The following MTUS2 variants were observed in gnomAD, a reference collection of about 807,000 sequenced individuals.
The protein encoded by MTUS2 is microtubule-associated tumor suppressor candidate 2.
In MTUS2, 40 loss-of-function variants were observed where a neutral mutation model predicts 114.1. That is an observed-to-expected ratio of 0.35 (90% CI 0.27 to 0.46). The LOEUF (loss-of-function observed/expected upper bound fraction) is 0.46, where lower values mean the gene tolerates loss of function less well. MTUS2 is among the 20% of genes least tolerant of loss of function. The pLI, the probability that MTUS2 is intolerant of heterozygous loss-of-function variation, is 1.00. For synonymous variants in MTUS2, 688 were observed against 672.0 expected, an observed-to-expected ratio of 1.02 and a Z score of -0.37; for missense variants, 1,679 against 1,705.4, an observed-to-expected ratio of 0.98 and a Z score of 0.27.
intron 8 of MTUS2, among the ~76,000 whole-genome samples, chr13:29,363,524 G>T (rs1284212775): frequency 2.0e-5 from 3 of 151,884 alleles, no homozygotes; most frequent in Non-Finnish European, 4.4e-5. Context: ...TATATTTTAA[G>T]GCTTTTATTA....
intron 5 of MTUS2, among the ~76,000 whole-genome samples, chr13:29,200,825 C>CA (rs1393504472): frequency 2.0e-5 from 3 of 151,930 alleles, no homozygotes; most frequent in Non-Finnish European, 4.4e-5. Context: ...GGACTGGAGT[C>CA]AGTTTCTTAA....
chr13:29,074,579 T>G (rs368430969), intron 4 of MTUS2, among the ~76,000 whole-genome samples: 2 of 152,302 alleles, frequency 1.3e-5, no homozygotes, highest in African/African-American at 4.8e-5. Context: ...CTCTTCCTTC[T>G]CCTACTTCTT....
At chr13:29,214,180 GT>G (rs33911822) in intron 5 of MTUS2, among the ~76,000 whole-genome samples, 16,427 of 144,812 alleles carry the variant, frequency 0.11, 1,455 homozygotes, top group African/African-American at 0.26. Flanking sequence ...ATACTACATT[GT>G]TTTTTTTTTT....
chr13:29,253,909 G>A (rs943389983), intron 5 of MTUS2, among the ~76,000 whole-genome samples: 1 of 152,152 alleles, frequency 6.6e-6, no homozygotes, highest in Admixed American at 6.5e-5. Context: ...ACTATCACGA[G>A]AACAGCACGG....
intron 5 of MTUS2, among the ~76,000 whole-genome samples, chr13:29,124,140 G>A (rs1891422002): frequency 6.6e-6 from 1 of 152,216 alleles, no homozygotes; most frequent in Non-Finnish European, 1.5e-5. Context: ...GAATGGAACA[G>A]ATATTCAGGA....
chr13:29,013,984 G>T (rs185333262), intron 2 of MTUS2, among the ~76,000 whole-genome samples: 1 of 152,320 alleles, frequency 6.6e-6, no homozygotes, highest in East Asian at 1.9e-4. Flanking sequence ...TCCCTCAGGA[G>T]ATAGCAATTT....
At chr13:29,427,299 G>GT (rs111598163) in intron 8 of MTUS2, among the ~76,000 whole-genome samples, 5,892 of 152,114 alleles carry the variant, frequency 0.039, 374 homozygotes, top group African/African-American at 0.13. Context: ...TGTTTGCTTT[G>GT]TTTTTTTATA....
At chr13:29,436,120 G>A (rs908552530) in intron 8 of MTUS2, among the ~76,000 whole-genome samples, 30 of 152,156 alleles carry the variant, frequency 2.0e-4, no homozygotes, top group Non-Finnish European at 1.3e-4. Flanking sequence ...AGTCAGGAGC[G>A]GACCCTGCCT....
intron 8 of MTUS2, among the ~76,000 whole-genome samples, chr13:29,389,331 A>ATATGTGTG (rs1566172365): frequency 7.2e-5 from 5 of 69,248 alleles, no homozygotes; most frequent in Non-Finnish European, 1.4e-4. Flanking sequence ...ATATGTGTGT[A>ATATGTGTG]TATATGTATG....
intron 5 of MTUS2, among the ~76,000 whole-genome samples, chr13:29,118,499 A>G (rs1891178745): frequency 6.6e-6 from 1 of 152,166 alleles, no homozygotes. Flanking sequence ...TTGAAGTCCT[A>G]CAACATATTA....
chr13:28,852,144 C>T (rs1876318361), intron 2 of MTUS2, among the ~76,000 whole-genome samples: 1 of 152,160 alleles, frequency 6.6e-6, no homozygotes, highest in African/African-American at 2.4e-5. Context: ...AGGGCTGGCT[C>T]TTCTCCACCT....
chr13:29,074,841 C>T (rs1412540385), intron 4 of MTUS2, among the ~76,000 whole-genome samples: 1 of 152,150 alleles, frequency 6.6e-6, no homozygotes, highest in East Asian at 1.9e-4. Flanking sequence ...TCTCTTAAAC[C>T]ACAGTTTTAT....
At chr13:29,418,087 C>T (rs997334423) in intron 8 of MTUS2, among the ~76,000 whole-genome samples, 7 of 152,164 alleles carry the variant, frequency 4.6e-5, no homozygotes, top group Admixed American at 2.6e-4. Context: ...CCTCCGTAAG[C>T]CCCTGCTCTA....
chr13:29,440,869 C>T (rs528795734), intron 9 of MTUS2, among the ~76,000 whole-genome samples: 72 of 152,258 alleles, frequency 4.7e-4, no homozygotes, highest in African/African-American at 1.6e-3. Context: ...GCCAGCCATG[C>T]GGATAGGCAG....
intron 15 of MTUS2, 84 bp downstream of exon 15, chr13:29,501,278 C>A: frequency 3.0e-6 from 3 of 1,011,432 alleles, no homozygotes; most frequent in Non-Finnish European, 4.6e-6. Context: ...TCACTCTGGC[C>A]TGTGAGTCTT....
chr13:29,499,110 A>C (rs1882732271), intron 14 of MTUS2, among the ~76,000 whole-genome samples: 1 of 152,174 alleles, frequency 6.6e-6, no homozygotes, highest in Admixed American at 6.5e-5. Flanking sequence ...TCTGCCTCCT[A>C]ATACCATCAC....
In MTUS2 at chr13:29,025,177, A is replaced by G. The variant is rs762899807; in HGVS notation, c.479A>G (p.Lys160Arg). ...RDAEIPRHVPKDKLAKTLDNE... is the reference protein window; with the variant it reads ...RDAEIPRHVPRDKLAKTLDNE... ...GCTGAAATTCCCCGGCATGTTCCCAAGGATAAACTGGCAAAGACCCTTGAC... is the reference window on the plus strand; with the variant it reads ...GCTGAAATTCCCCGGCATGTTCCCAGGGATAAACTGGCAAAGACCCTTGAC... Residue 160 changes from lysine (K) to arginine (R), a missense_variant, in exon 3 of 16, where the codon AAG becomes AGG. By Grantham distance (26) the Lys-to-Arg change is conservative. This residue lies in a region of MTUS2 where 843 missense variants were observed against 770.8 expected (regional missense o/e 1.09). Coordinates refer to ENST00000612955, the MANE Select transcript of MTUS2 (RefSeq NM_001033602.4). 1.2e-5 allele frequency: 19 copies of G among 1,613,884 alleles called. No individual in the cohort carries two copies. The highest frequency in any genetic ancestry group is 5.0e-5 in the Admixed American group (3 of 60,004).
chr13:28,998,564 A>T (rs1397541758), intron 2 of MTUS2, among the ~76,000 whole-genome samples: 1 of 152,096 alleles, frequency 6.6e-6, no homozygotes, highest in African/African-American at 2.4e-5. Flanking sequence ...ACATAGTCCC[A>T]TATTTCTTGG....
intron 2 of MTUS2, among the ~76,000 whole-genome samples, chr13:28,865,833 G>C (rs1376690489): frequency 6.6e-6 from 1 of 152,112 alleles, no homozygotes; most frequent in African/African-American, 2.4e-5. Flanking sequence ...TCTCTTGCAG[G>C]CTCAGCTGTT....
Sources: allele counts gnomAD v4.1 joint callset (sites outside exome capture counted in the v4.1 genomes callset), GRCh38; gene constraint gnomAD v4.1.1; regional missense constraint gnomAD v4.1.1; transcripts MANE v1.5; gene names NCBI Gene and HGNC (gene_info 2026-07-23, HGNC 2026-07-21).